The following CREB5 variants were observed in gnomAD, a reference collection of about 807,000 sequenced individuals.
CREB5 encodes cyclic AMP-responsive element-binding protein 5.
In CREB5, 19 loss-of-function variants were observed where a neutral mutation model predicts 57.1. The observed-to-expected ratio is 0.33, with a 90% CI of 0.23 to 0.49. The LOEUF (loss-of-function observed/expected upper bound fraction) is 0.49, where lower values mean the gene tolerates loss of function less well. CREB5 is among the 20% of genes least tolerant of loss of function. The probability of loss-of-function intolerance (pLI) is 0.99; values close to 1 mark genes in which losing one functional copy is unlikely to be tolerated. For missense variants in CREB5, 579 were observed against 671.6 expected, an observed-to-expected ratio of 0.86 and a Z score of 1.52; for synonymous variants, 238 against 238.3, an observed-to-expected ratio of 1.00 and a Z score of 0.01.
intron 5 of CREB5, among the ~76,000 whole-genome samples, chr7:28,666,731 G>A (rs1485920313): frequency 6.6e-6 from 1 of 151,908 alleles, no homozygotes; most frequent in Non-Finnish European, 1.5e-5. Flanking sequence ...GGAGGCCCAG[G>A]CAGGGGGATC....
chr7:28,808,850 A>C (rs912707592), intron 8 of CREB5, among the ~76,000 whole-genome samples: 3 of 149,112 alleles, frequency 2.0e-5, no homozygotes, highest in Non-Finnish European at 4.4e-5. Flanking sequence ...ACACACCGTC[A>C]GTAAAACATT....
intron 7 of CREB5, among the ~76,000 whole-genome samples, chr7:28,770,775 C>G (rs1235957249): frequency 6.6e-6 from 1 of 152,038 alleles, no homozygotes; most frequent in Non-Finnish European, 1.5e-5. Context: ...TGGTGGTTAC[C>G]AGGGGCAGGG....
chr7:28,578,341 G>A (rs992824591), intron 5 of CREB5, among the ~76,000 whole-genome samples: 1 of 152,234 alleles, frequency 6.6e-6, no homozygotes, highest in African/African-American at 2.4e-5. Context: ...ATGGCTTGTG[G>A]TGTTTAGAGA....
Position 28,789,263 on chromosome 7 carries a change from G to A in CREB5, c.703-14936G>A, listed in dbSNP as rs191002197. Among the ~76,000 whole-genome samples, 11 of 152,288 alleles carry A rather than the reference G, an allele frequency of 7.2e-5. No homozygotes were observed. In the East Asian group the frequency reaches 2.1e-3, roughly 29 times the overall value. On this transcript the variant is annotated intron_variant, in intron 7 of 10. Transcript: ENST00000357727. Reference sequence around the variant, plus strand: ...GCAAGCATTAGGTCTGATTCATGAGGTTCGTGGATTTCATCTGATATTATT... The same window carrying A: ...GCAAGCATTAGGTCTGATTCATGAGATTCGTGGATTTCATCTGATATTATT...
chr7:28,679,914 C>A (rs1467643852), intron 5 of CREB5, among the ~76,000 whole-genome samples: 1 of 152,198 alleles, frequency 6.6e-6, no homozygotes, highest in African/African-American at 2.4e-5. Context: ...AGAGTCTAGT[C>A]TGTTGCAGGC....
chr7:28,563,759 G>A (rs1795369408), intron 4 of CREB5, among the ~76,000 whole-genome samples: 1 of 152,124 alleles, frequency 6.6e-6, no homozygotes, highest in Admixed American at 6.5e-5. Context: ...GCCCCCCTGT[G>A]CTCTCCTCTC....
chr7:28,814,745 C>A (rs992355334), intron 9 of CREB5, among the ~76,000 whole-genome samples: 1 of 152,166 alleles, frequency 6.6e-6, no homozygotes, highest in African/African-American at 2.4e-5. Context: ...AGCTTGGGAA[C>A]TCAAACCCTA....
Position 28,464,494 on chromosome 7 carries a change from T to TGC in CREB5, c.4-23679_4-23678dup, listed in dbSNP as rs1300569740. 3.1e-4 allele frequency among the ~76,000 whole-genome samples: 37 copies of TGC among 119,084 alleles called. 2 individuals are homozygous for TGC. The highest frequency in any genetic ancestry group is 1.3e-3 in the African/African-American group (36 of 28,414). 78.1% of individuals were successfully genotyped at this position (119,084 alleles called of 152,430 possible). A position where few individuals can be genotyped will look rare whatever the true frequency, so the allele number is the denominator to read the frequency against. On this transcript the variant is annotated intron_variant, in intron 1 of 10. Coordinates refer to ENST00000357727, the MANE Select transcript of CREB5 (RefSeq NM_182898.4). ...GCCTGATCTCTCCTTTGTGGAAAGT[T>TGC]GCGTGTGTGTGTGTGTGTGTGTGTG...
chr7:28,818,229 A>G (rs1809555536), intron 10 of CREB5, 50 bp downstream of exon 10: 4 of 1,354,392 alleles, frequency 3.0e-6, no homozygotes, highest in Non-Finnish European at 4.2e-6. Context: ...ATTTTTTGCC[A>G]CTAAGTTTGC....
intron 1 of CREB5, among the ~76,000 whole-genome samples, chr7:28,459,107 C>A (rs547976156): frequency 1.3e-5 from 2 of 152,306 alleles, no homozygotes; most frequent in East Asian, 3.9e-4. Context: ...CAGTGACCAT[C>A]CACTAACGCC....
At chr7:28,688,083 G>A (rs1280109634) in intron 5 of CREB5, among the ~76,000 whole-genome samples, 1 of 152,184 alleles carries the variant, frequency 6.6e-6, no homozygotes, top group African/African-American at 2.4e-5. Flanking sequence ...AATTCAGGAT[G>A]AATTAGTACT....
chr7:28,805,165 A>G (rs1202752858), intron 8 of CREB5, among the ~76,000 whole-genome samples: 2 of 152,210 alleles, frequency 1.3e-5, no homozygotes, highest in Non-Finnish European at 2.9e-5. Context: ...TCTGTAGATG[A>G]TCAGACCAAG....
chr7:28,762,818 A>G (rs187447619), intron 7 of CREB5, among the ~76,000 whole-genome samples: 1 of 150,972 alleles, frequency 6.6e-6, no homozygotes, highest in Non-Finnish European at 1.5e-5. Flanking sequence ...TCATTCATTT[A>G]TTTCTTCACA....
At chr7:28,743,560 G>A (rs1804499518) in intron 7 of CREB5, among the ~76,000 whole-genome samples, 1 of 152,098 alleles carries the variant, frequency 6.6e-6, no homozygotes, top group Non-Finnish European at 1.5e-5. Flanking sequence ...AAAACGAAAA[G>A]CTTAGGAAAC....
chr7:28,487,610 C>T (rs1791621140), intron 1 of CREB5, among the ~76,000 whole-genome samples: 2 of 152,164 alleles, frequency 1.3e-5, no homozygotes, highest in South Asian at 2.1e-4. Flanking sequence ...GACCACGGTT[C>T]GCCACCAGAA....
Position 28,378,348 on chromosome 7 carries a change from C to T in CREB5, c.-25+78907C>T, listed in dbSNP as rs148744760. ...TTTAATTATACCTAATGTTAAATGA[C>T]GAGTTAATGGGTGCAGCACACCAAC... On this transcript the variant is annotated intron_variant, in intron 1 of 9. Coordinates refer to the CREB5 transcript ENST00000396299. Among the ~76,000 whole-genome samples, 40 of 151,710 alleles carry T rather than the reference C, an allele frequency of 2.6e-4. 1 individual carries two copies. The East Asian group carries it at 7.3e-3, about 28-fold the overall frequency.
chr7:28,382,994 G>C (rs1358843144), intron 1 of CREB5, among the ~76,000 whole-genome samples: 4 of 152,284 alleles, frequency 2.6e-5, no homozygotes, highest in African/African-American at 9.6e-5. Context: ...GTTAAGCCTT[G>C]AAAACAAGGC....
chr7:28,477,726 G>T (rs1157535761), intron 1 of CREB5, among the ~76,000 whole-genome samples: 2 of 152,168 alleles, frequency 1.3e-5, no homozygotes, highest in Admixed American at 6.5e-5. Flanking sequence ...TAGTGGATTT[G>T]CAGGCTTTAG....
chr7:28,686,901 TTC>T, intron 5 of CREB5, among the ~76,000 whole-genome samples: 1 of 152,230 alleles, frequency 6.6e-6, no homozygotes, highest in East Asian at 1.9e-4. Context: ...TCTGCCAGGA[TTC>T]TCTCTCTCTG....
Sources: gnomAD v4.1 joint callset for allele counts (sites outside exome capture counted in the v4.1 genomes callset) on GRCh38, gnomAD v4.1.1 for gene constraint, MANE v1.5 for transcripts, NCBI Gene and HGNC (gene_info 2026-07-23, HGNC 2026-07-21) for gene names.